MRPL14: variants seen among roughly 807,000 people sequenced by gnomAD.
MRPL14 encodes mitochondrial ribosomal protein L14, also known as large ribosomal subunit protein uL14m.
Under a neutral mutation model 10.9 loss-of-function variants are expected in MRPL14, and 8 were observed. That is an observed-to-expected ratio of 0.74 (90% CI 0.43 to 1.33). MRPL14 has a LOEUF of 1.33. MRPL14 is among the 40% of genes most tolerant of loss of function. MRPL14 has a pLI of 0.01. For missense variants in MRPL14, 179 were observed against 194.5 expected, an observed-to-expected ratio of 0.92 and a Z score of 0.47; for synonymous variants, 82 against 74.1, an observed-to-expected ratio of 1.11 and a Z score of -0.54.
intron 1 of MRPL14, among the ~76,000 whole-genome samples, chr6:44,122,241 C>T (rs1254450484): frequency 6.6e-6 from 1 of 152,120 alleles, no homozygotes; most frequent in African/African-American, 2.4e-5. Context: ...TGCCACCAAC[C>T]CCAGCTAATT....
In MRPL14 at chr6:44,116,960, C is replaced by T. The variant is rs548793219; in HGVS notation, c.-18-331G>A. ...ATGAGCCCTTGGTTATAAACCCAGCCAGGGACTTCTTCTCGAGTCCTCCAT... is the reference window on the plus strand; with the variant it reads ...ATGAGCCCTTGGTTATAAACCCAGCTAGGGACTTCTTCTCGAGTCCTCCAT... On this transcript the variant is annotated intron_variant, in intron 1 of 2. Transcript: ENST00000372014. Among the ~76,000 whole-genome samples, 32 of 152,334 alleles carry T rather than the reference C, an allele frequency of 2.1e-4. No individual in the cohort carries two copies. In the South Asian group the frequency reaches 6.6e-3, roughly 32 times the overall value.
chr6:44,120,492 C>T (rs1021004023), intron 1 of MRPL14, among the ~76,000 whole-genome samples: 1 of 152,158 alleles, frequency 6.6e-6, no homozygotes, highest in African/African-American at 2.4e-5. Flanking sequence ...GAAGCACTTC[C>T]CAATTCAGTG....
At chr6:44,119,706 T>G (rs993538916) in intron 1 of MRPL14, among the ~76,000 whole-genome samples, 1 of 152,148 alleles carries the variant, frequency 6.6e-6, no homozygotes. Flanking sequence ...AACTAAAAAC[T>G]AGCAAAAAAC....
chr6:44,115,772 C>A (rs1197338753), intron 2 of MRPL14, among the ~76,000 whole-genome samples: 1 of 152,114 alleles, frequency 6.6e-6, no homozygotes, highest in Non-Finnish European at 1.5e-5. Flanking sequence ...GCACACCCTG[C>A]CTCCCAATTC....
At position 44,113,688 on chromosome 6, in the gene MRPL14, A is replaced by C. The variant is rs1562096433; in HGVS notation, c.*155T>G. 5 of 771,740 alleles carry C rather than the reference A, an allele frequency of 6.5e-6. No individual in the cohort carries two copies. The highest frequency in any genetic ancestry group is 7.5e-6 in the Non-Finnish European group (4 of 535,354). The allele number at this position is 771,740 out of a possible 1,614,324, so 47.8% of individuals were successfully genotyped here. ...CCCACATCCCAGAAAGCTCTGGAAAAACACATAAATGAATACATTTATTCT... is the reference window on the plus strand; with the variant it reads ...CCCACATCCCAGAAAGCTCTGGAAACACACATAAATGAATACATTTATTCT... On this transcript the variant is annotated 3_prime_UTR_variant, in exon 3 of 3. Transcript: ENST00000372014.
At chr6:44,120,251 C>T (rs1256898119) in intron 1 of MRPL14, among the ~76,000 whole-genome samples, 1 of 152,204 alleles carries the variant, frequency 6.6e-6, no homozygotes, top group Non-Finnish European at 1.5e-5. Context: ...CTCACTGAAC[C>T]AATATTCACT....
chr6:44,120,830 T>A (rs1776331814), intron 1 of MRPL14, among the ~76,000 whole-genome samples: 1 of 152,158 alleles, frequency 6.6e-6, no homozygotes, highest in African/African-American at 2.4e-5. Flanking sequence ...GCAGAGCTCT[T>A]ATCTGTATTT....
chr6:44,113,774 C>G lies in MRPL14; in HGVS notation c.*69G>C. The G allele has an allele frequency of 6.7e-7, 1 of 1,501,006 alleles. No homozygotes were observed. The highest frequency in any genetic ancestry group is 2.3e-5 in the Admixed American group (1 of 44,160). 93.0% of individuals were successfully genotyped at this position (1,501,006 alleles called of 1,614,324 possible). A position where few individuals can be genotyped will look rare whatever the true frequency, so the allele number is the denominator to read the frequency against. Reference sequence around the variant, plus strand: ...GAGCAGCCATGTGGCTCCCAAGCTCCCTTAGCAAAAGGGTGGTTCTCAGAA... The same window carrying G: ...GAGCAGCCATGTGGCTCCCAAGCTCGCTTAGCAAAAGGGTGGTTCTCAGAA... On this transcript the variant is annotated 3_prime_UTR_variant, in exon 3 of 3. Coordinates refer to ENST00000372014, the MANE Select transcript of MRPL14 (RefSeq NM_032111.4).
At chr6:44,115,423 G>A (rs1433490261) in intron 2 of MRPL14, among the ~76,000 whole-genome samples, 1 of 152,086 alleles carries the variant, frequency 6.6e-6, no homozygotes, top group Non-Finnish European at 1.5e-5. Flanking sequence ...GGCTTCTCCA[G>A]CAGTACCAGA....
At chr6:44,119,156 AC>A (rs1170393176) in intron 1 of MRPL14, among the ~76,000 whole-genome samples, 1 of 152,172 alleles carries the variant, frequency 6.6e-6, no homozygotes. Context: ...CTCTTACTCA[AC>A]AGAGTAAACA....
rs1288643059 is a variant in MRPL14, at chr6:44,116,486, C to T, written c.71+55G>A. 7.1e-6 allele frequency: 11 copies of T among 1,558,372 alleles called. No individual in the cohort carries two copies. The East Asian group carries it at 2.2e-4, about 32-fold the overall frequency. ...GTTCTAGTCACCGTAATACCCAGCC[C>T]TGATAGGAAGCTTACACAAAGACAC... On this transcript the variant is annotated intron_variant, in intron 2 of 2. Coordinates refer to ENST00000372014, the MANE Select transcript of MRPL14 (RefSeq NM_032111.4).
At chr6:44,114,230 A>G (rs79799189) in intron 2 of MRPL14, 21 bp from the exon 3 acceptor site, 1 of 1,593,570 alleles carries the variant, frequency 6.3e-7, no homozygotes, top group Non-Finnish European at 8.6e-7. Context: ...GAAAAAAAAA[A>G]GTCTGCAGTC....
chr6:44,123,410 A>C (rs1053214376), intron 1 of MRPL14, among the ~76,000 whole-genome samples: 5 of 152,252 alleles, frequency 3.3e-5, no homozygotes, highest in African/African-American at 1.2e-4. Context: ...TCCTTTGGCA[A>C]GGCTGCAACA....
intron 2 of MRPL14, among the ~76,000 whole-genome samples, chr6:44,115,018 A>G (rs992986072): frequency 6.6e-6 from 1 of 152,126 alleles, no homozygotes; most frequent in Non-Finnish European, 1.5e-5. Context: ...CAAGGTAACA[A>G]TCTTCTGTTT....
intron 1 of MRPL14, 65 bp from the exon 2 acceptor site, chr6:44,116,694 T>C (rs1308958951): frequency 3.8e-5 from 42 of 1,113,480 alleles, no homozygotes; most frequent in Non-Finnish European, 5.2e-5. Flanking sequence ...CCAGTTTTCT[T>C]TGGGGACTTG....
chr6:44,113,643 G>T lies in MRPL14; in HGVS notation c.*200C>A. The T allele has an allele frequency of 1.8e-6, 1 of 548,398 alleles. No homozygotes were observed. Among genetic ancestry groups the T allele is most frequent in the Non-Finnish European group, 2.9e-6 (1 of 342,410 alleles). The allele number at this position is 548,398 out of a possible 1,614,324, so 34.0% of individuals were successfully genotyped here. The stretch of plus-strand genomic sequence containing the variant: ...GACTCGGGTAAGCCACCTTTCAACT[G>T]CTTCAGTGTAATTTATTTTCCCACA... On this transcript the variant is annotated 3_prime_UTR_variant, in exon 3 of 3. Transcript: ENST00000372014.
chr6:44,115,032 T>A (rs1775704691), intron 2 of MRPL14, among the ~76,000 whole-genome samples: 1 of 152,202 alleles, frequency 6.6e-6, no homozygotes, highest in Non-Finnish European at 1.5e-5. Context: ...TCTGTTTTAA[T>A]ACATTTTTTC....
chr6:44,125,765 T>A (rs1490947964), intron 1 of MRPL14, among the ~76,000 whole-genome samples: 1 of 151,798 alleles, frequency 6.6e-6, no homozygotes, highest in African/African-American at 2.4e-5. Flanking sequence ...TATAATACTA[T>A]TTGACCTCAA....
chr6:44,123,991 T>C (rs1582726414), intron 1 of MRPL14, among the ~76,000 whole-genome samples: 1 of 152,228 alleles, frequency 6.6e-6, no homozygotes, highest in Non-Finnish European at 1.5e-5. Context: ...CTCCCATCCC[T>C]ACCTCACAAG....
Sources: allele counts gnomAD v4.1 joint callset (sites outside exome capture counted in the v4.1 genomes callset), GRCh38; gene constraint gnomAD v4.1.1; transcripts MANE v1.5; gene names NCBI Gene and HGNC (gene_info 2026-07-23, HGNC 2026-07-21).